Variants in SAMD12 observed in about 807,000 individuals in gnomAD.
SAMD12 encodes the protein sterile alpha motif domain containing 12, also known as sterile alpha motif domain-containing protein 12.
Under a neutral mutation model 15.0 loss-of-function variants are expected in SAMD12, and 9 were observed. That is an observed-to-expected ratio of 0.60 (90% confidence interval 0.36 to 1.05). The LOEUF is 1.05. SAMD12 is among the 50% of genes least tolerant of loss of function. The pLI is 0.01. For synonymous variants in SAMD12, 86 were observed against 90.1 expected (o/e 0.96, Z 0.25); for missense variants, 230 against 234.2 (o/e 0.98, Z 0.12).
intron 4 of SAMD12, among the ~76,000 whole-genome samples, chr8:118,277,035 G>T (rs778662391): frequency 6.6e-6 from 1 of 151,854 alleles, no homozygotes; most frequent in Non-Finnish European, 1.5e-5. Context: ...TTTTCCACAA[G>T]CTTAGGAATT....
chr8:118,449,754 T>C (rs960898308), intron 2 of SAMD12, among the ~76,000 whole-genome samples: 6 of 126,990 alleles, frequency 4.7e-5, no homozygotes, highest in African/African-American at 6.2e-5. Flanking sequence ...TGAGCAGAGA[T>C]GGTGCCACTG....
the SAMD12 span, among the ~76,000 whole-genome samples, chr8:118,150,461 G>A: frequency 2.0e-5 from 3 of 152,026 alleles, no homozygotes; most frequent in Admixed American, 6.5e-5. Flanking sequence ...TCTCACTGCA[G>A]CCTTGAACTC....
chr8:118,481,615 CAA>C (rs1206563387), intron 2 of SAMD12, among the ~76,000 whole-genome samples: 1 of 152,048 alleles, frequency 6.6e-6, no homozygotes, highest in African/African-American at 2.4e-5. Context: ...GATTTGAAAT[CAA>C]AGACTTAACC....
chr8:118,260,001 C>T (rs890408212), intron 4 of SAMD12, among the ~76,000 whole-genome samples: 3 of 152,128 alleles, frequency 2.0e-5, no homozygotes, highest in Non-Finnish European at 4.4e-5. Context: ...GCTCCTCACA[C>T]ATGCCAAATG....
intron 4 of SAMD12, among the ~76,000 whole-genome samples, chr8:118,337,295 ACG>A (rs1817131450): frequency 6.6e-6 from 1 of 152,140 alleles, no homozygotes; most frequent in African/African-American, 2.4e-5. Flanking sequence ...TCCATGTCAC[ACG>A]CCAGCTCAGC....
chr8:118,282,063 T>C (rs1813674809), intron 4 of SAMD12: 1 of 331,584 alleles, frequency 3.0e-6, no homozygotes, highest in Non-Finnish European at 5.9e-6. Context: ...CAAGTGGAGC[T>C]GAATGACACT....
At chr8:118,263,408 A>C (rs1227245259) in intron 4 of SAMD12, among the ~76,000 whole-genome samples, 1 of 152,082 alleles carries the variant, frequency 6.6e-6, no homozygotes, top group Non-Finnish European at 1.5e-5. Flanking sequence ...CATTGTTTTA[A>C]GTATTGGATA....
chr8:118,323,412 G>A (rs1163737488), intron 4 of SAMD12, among the ~76,000 whole-genome samples: 2 of 152,070 alleles, frequency 1.3e-5, no homozygotes, highest in Admixed American at 6.6e-5. Context: ...GACATAGGAT[G>A]TCTAATATCT....
In SAMD12 at chr8:118,197,783, C is replaced by T. The variant is rs1819609794; in HGVS notation, c.434-51G>A. On this transcript the variant is annotated intron_variant, in intron 4 of 4. Transcript: ENST00000409003. ...TGGTAAGTTCTTTCCTTTATGTTTCCAGGCACTGATATGTAGCAATTATCT... is the reference window on the plus strand; with the variant it reads ...TGGTAAGTTCTTTCCTTTATGTTTCTAGGCACTGATATGTAGCAATTATCT... The T allele has an allele frequency of 5.3e-6, 8 of 1,511,544 alleles. No homozygotes were observed. The Admixed American group carries it at 1.3e-4, about 25-fold the overall frequency. The allele number at this position is 1,511,544 out of a possible 1,614,324, so 93.6% of individuals were successfully genotyped here.
chr8:118,140,282 T>TA, the SAMD12 span, among the ~76,000 whole-genome samples: 1 of 152,226 alleles, frequency 6.6e-6, no homozygotes, highest in East Asian at 1.9e-4. Flanking sequence ...TCTTTTATTT[T>TA]TTTTTTTGAG....
intron 1 of SAMD12, among the ~76,000 whole-genome samples, chr8:118,612,978 T>C (rs545659194): frequency 6.6e-5 from 10 of 152,320 alleles, no homozygotes; most frequent in Admixed American, 2.0e-4. Context: ...TATGATACCA[T>C]TTATATGAAA....
chr8:118,325,919 G>C (rs756448712), intron 4 of SAMD12, among the ~76,000 whole-genome samples: 1 of 152,182 alleles, frequency 6.6e-6, no homozygotes, highest in Non-Finnish European at 1.5e-5. Context: ...AACCAGATTT[G>C]ACTTACAACA....
intron 2 of SAMD12, among the ~76,000 whole-genome samples, chr8:118,499,868 G>A (rs1824729108): frequency 6.6e-6 from 1 of 151,988 alleles, no homozygotes. Flanking sequence ...AGTTGTCAGG[G>A]GTAGCCAACA....
intron 4 of SAMD12, among the ~76,000 whole-genome samples, chr8:118,278,049 T>G (rs1813514153): frequency 6.6e-6 from 1 of 152,216 alleles, no homozygotes; most frequent in South Asian, 2.1e-4. Context: ...TGGGAAAACA[T>G]AAACAGTGAT....
intron 3 of SAMD12, among the ~76,000 whole-genome samples, chr8:118,433,918 C>T (rs577643018): frequency 6.6e-6 from 1 of 152,298 alleles, no homozygotes; most frequent in Non-Finnish European, 1.5e-5. Flanking sequence ...GTAAGTACAT[C>T]ACATAAAGTA....
intron 2 of SAMD12, among the ~76,000 whole-genome samples, chr8:118,571,051 A>G (rs1563590376): frequency 6.6e-6 from 1 of 152,224 alleles, no homozygotes; most frequent in Non-Finnish European, 1.5e-5. Context: ...TAAATTGCAC[A>G]GTCTCAGGTA....
chr8:118,594,298 T>C (rs770241445), intron 1 of SAMD12, among the ~76,000 whole-genome samples: 14 of 152,160 alleles, frequency 9.2e-5, no homozygotes, highest in Admixed American at 3.9e-4. Flanking sequence ...GGTCTGTTCT[T>C]GATTATTCTA....
chr8:118,529,422 T>C (rs968275495), intron 2 of SAMD12, among the ~76,000 whole-genome samples: 2 of 152,226 alleles, frequency 1.3e-5, no homozygotes, highest in African/African-American at 2.4e-5. Context: ...ATTTAGGGGA[T>C]ACAAGTGCGG....
At chr8:118,553,446 T>G (rs1411585131) in intron 2 of SAMD12, among the ~76,000 whole-genome samples, 7 of 152,196 alleles carry the variant, frequency 4.6e-5, no homozygotes, top group Non-Finnish European at 1.0e-4. Context: ...ATTCCCTATT[T>G]AATAAATGGT....
Sources: allele counts gnomAD v4.1 joint callset (sites outside exome capture counted in the v4.1 genomes callset), GRCh38; gene constraint gnomAD v4.1.1; transcripts MANE v1.5; gene names NCBI Gene and HGNC (gene_info 2026-07-23, HGNC 2026-07-21).